FUT8: variants seen among roughly 807,000 people sequenced by gnomAD.
FUT8 encodes the protein alpha-(1,6)-fucosyltransferase.
FUT8 carries 29 observed loss-of-function variants against 71.3 expected under a neutral mutation model. The ratio of observed to expected loss-of-function variants is 0.41; its 90% CI spans 0.30 to 0.55. FUT8 has a LOEUF of 0.55. Among genes scored for constraint, FUT8 ranks in the 20% least tolerant of loss-of-function variants. The pLI is 0.34. For missense variants in FUT8, 544 were observed against 702.1 expected, an observed-to-expected ratio of 0.77 and a Z score of 2.55; for synonymous variants, 254 against 239.3, an observed-to-expected ratio of 1.06 and a Z score of -0.57.
chr14:65,717,521 A>G (rs559349515), intron 7 of FUT8, among the ~76,000 whole-genome samples: 308 of 54,978 alleles, frequency 5.6e-3, no homozygotes, highest in African/African-American at 0.019. Context: ...CTCCCAGACG[A>G]AGGGCGGCCG....
intron 7 of FUT8, among the ~76,000 whole-genome samples, chr14:65,714,724 C>T (rs1040656780): frequency 6.6e-6 from 1 of 152,068 alleles, no homozygotes; most frequent in East Asian, 1.9e-4. Flanking sequence ...ACATGGAATA[C>T]CTTTCCTTTT....
At chr14:65,416,328 TC>T (rs575582988) in intron 1 of FUT8, among the ~76,000 whole-genome samples, 2 of 150,436 alleles carry the variant, frequency 1.3e-5, no homozygotes, top group Non-Finnish European at 3.0e-5. Context: ...TTTTTTTTTT[TC>T]CCCCAAAGAG....
intron 2 of FUT8, among the ~76,000 whole-genome samples, chr14:65,497,720 C>T (rs1171225206): frequency 1.3e-5 from 2 of 151,782 alleles, no homozygotes; most frequent in African/African-American, 4.8e-5. Context: ...TTATAAAATA[C>T]AATTTACTTA....
upstream of FUT8, chr14:65,411,847 C>A (rs191030169): frequency 2.8e-6 from 1 of 356,360 alleles, no homozygotes; most frequent in Non-Finnish European, 5.5e-6. Context: ...TTGGCCTCGG[C>A]GGCACCCCTC....
intron 1 of FUT8, among the ~76,000 whole-genome samples, chr14:65,434,118 T>G (rs1287896369): frequency 6.6e-6 from 1 of 152,220 alleles, no homozygotes; most frequent in Non-Finnish European, 1.5e-5. Flanking sequence ...AAATATTTTG[T>G]GATTTTAAAA....
chr14:65,416,398 C>T (rs1465631163), intron 1 of FUT8, among the ~76,000 whole-genome samples: 1 of 151,658 alleles, frequency 6.6e-6, no homozygotes, highest in Admixed American at 6.6e-5. Flanking sequence ...AGCAATCCTC[C>T]TACCTCAGTC....
intron 2 of FUT8, among the ~76,000 whole-genome samples, chr14:65,546,641 A>C (rs1321374076): frequency 6.6e-6 from 1 of 151,858 alleles, no homozygotes; most frequent in African/African-American, 2.4e-5. Context: ...ATACTCATGT[A>C]CTAGTCTTTG....
Position 65,628,832 on chromosome 14 carries a change from A to T in FUT8, c.483-660A>T, listed in dbSNP as rs376832127. Among the ~76,000 whole-genome samples the T allele has an allele frequency of 2.6e-5, 4 of 152,200 alleles. No individual in the cohort carries two copies. The East Asian group carries it at 5.8e-4, about 22-fold the overall frequency. On this transcript the variant is annotated intron_variant, in intron 5 of 10. Coordinates refer to ENST00000673929, the MANE Select transcript of FUT8 (RefSeq NM_001371533.1). Reference sequence around the variant, plus strand: ...GGACTCAGCAAATTATGGCCCAGAGACCAAATCTGGCTCATTGCCTGTTTT... The same window carrying T: ...GGACTCAGCAAATTATGGCCCAGAGTCCAAATCTGGCTCATTGCCTGTTTT...
chr14:65,649,765 G>T (rs1891276592), intron 6 of FUT8, among the ~76,000 whole-genome samples: 1 of 152,172 alleles, frequency 6.6e-6, no homozygotes, highest in South Asian at 2.1e-4. Context: ...TCTCAAGATT[G>T]AGAGATTGTT....
intron 2 of FUT8, among the ~76,000 whole-genome samples, chr14:65,526,036 C>A (rs1476381535): frequency 6.6e-6 from 1 of 152,156 alleles, no homozygotes; most frequent in Non-Finnish European, 1.5e-5. Context: ...AATGTATATT[C>A]TGTTGATTTG....
chr14:65,733,483 T>A, intron 10 of FUT8, 102 bp downstream of exon 10: 1 of 813,648 alleles, frequency 1.2e-6, no homozygotes, highest in Non-Finnish European at 1.8e-6. Context: ...TTCATTATTG[T>A]GACTCAGGTG....
the FUT8 span, among the ~76,000 whole-genome samples, chr14:65,362,519 A>G: frequency 6.6e-6 from 1 of 152,088 alleles, no homozygotes; most frequent in African/African-American, 2.4e-5. Flanking sequence ...TCAAACAAAC[A>G]AACAAACAAA....
intron 7 of FUT8, among the ~76,000 whole-genome samples, chr14:65,705,570 G>A (rs2140497514): frequency 6.6e-6 from 1 of 152,304 alleles, no homozygotes; most frequent in East Asian, 1.9e-4. Context: ...CCTAATCGGA[G>A]TCATACTTGG....
chr14:65,525,556 T>C (rs1446764450), intron 2 of FUT8, among the ~76,000 whole-genome samples: 2 of 152,214 alleles, frequency 1.3e-5, no homozygotes, highest in Admixed American at 1.3e-4. Flanking sequence ...TTTGTGTCTC[T>C]ATCTCTCAGT....
the FUT8 span, among the ~76,000 whole-genome samples, chr14:65,384,990 C>G: frequency 2.6e-5 from 4 of 151,938 alleles, 1 homozygote; most frequent in African/African-American, 9.7e-5. The surrounding 1 kb of genome is among the most constrained non-coding windows in gnomAD (Gnocchi z 4.2). Flanking sequence ...TGCCCGGGTT[C>G]AAGCAATTCT....
intron 7 of FUT8, among the ~76,000 whole-genome samples, chr14:65,715,011 T>C (rs1894981461): frequency 6.6e-6 from 1 of 152,226 alleles, no homozygotes; most frequent in African/African-American, 2.4e-5. Flanking sequence ...TGTAGTGTCA[T>C]ATCATGTGCA....
At chr14:65,581,728 C>G (rs1202167092) in intron 3 of FUT8, among the ~76,000 whole-genome samples, 1 of 151,930 alleles carries the variant, frequency 6.6e-6, no homozygotes, top group Non-Finnish European at 1.5e-5. Context: ...ATAGTTTATC[C>G]ATGTATGATA....
In FUT8 at chr14:65,633,004, TCC is replaced by T. The variant is rs376298224; in HGVS notation, c.597+3407_597+3408del. Among the ~76,000 whole-genome samples the T allele has an allele frequency of 1.2e-3, 92 of 78,072 alleles. 5 individuals carry two copies. In the East Asian group the frequency reaches 0.02, roughly 17 times the overall value. The allele number at this position is 78,072 out of a possible 152,430, so 51.2% of individuals were successfully genotyped here. A position where few individuals can be genotyped will look rare whatever the true frequency, so the allele number is the denominator to read the frequency against. On this transcript the variant is annotated intron_variant, in intron 6 of 10. Transcript: ENST00000673929. ...TTGCTCTCCCCTCTCCCCTCTCCCC[TCC>T]CCCCCCCCGTCTCCCCAGGGTCTCC...
At chr14:65,498,548 G>A (rs2066595571) in intron 2 of FUT8, among the ~76,000 whole-genome samples, 1 of 152,064 alleles carries the variant, frequency 6.6e-6, no homozygotes. Flanking sequence ...GCCAAAATAT[G>A]TTAGTAATGC....
Sources: gnomAD v4.1 joint callset for allele counts (sites outside exome capture counted in the v4.1 genomes callset) on GRCh38, gnomAD v4.1.1 for gene constraint, Gnocchi (gnomAD v3.1) non-coding constraint, MANE v1.5 for transcripts, NCBI Gene and HGNC (gene_info 2026-07-23, HGNC 2026-07-21) for gene names.